KIF26B: variants seen among roughly 807,000 people sequenced by gnomAD.
The protein encoded by KIF26B is kinesin-like protein KIF26B.
Under a neutral mutation model 151.2 loss-of-function variants are expected in KIF26B, and 63 were observed. The ratio of observed to expected loss-of-function variants is 0.42; its 90% CI spans 0.34 to 0.51. KIF26B has a LOEUF of 0.51. KIF26B is among the 20% of genes least tolerant of loss of function. KIF26B has a pLI of 0.07. For synonymous variants in KIF26B, 1,357 were observed against 1,262.1 expected (o/e 1.08, Z -1.59); for missense variants, 2,813 against 2,913.6 (o/e 0.97, Z 0.79).
intron 2 of KIF26B, among the ~76,000 whole-genome samples, chr1:245,251,911 TA>T (rs1670451683): frequency 6.6e-6 from 1 of 152,144 alleles, no homozygotes; most frequent in African/African-American, 2.4e-5. Context: ...GATTAATGTA[TA>T]TGAATTTTTC....
chr1:245,518,894 C>A (rs1471438021), intron 4 of KIF26B, among the ~76,000 whole-genome samples: 2 of 152,140 alleles, frequency 1.3e-5, no homozygotes, highest in East Asian at 1.9e-4. Flanking sequence ...TTAGTGAGGA[C>A]TGCTACACTC....
intron 2 of KIF26B, among the ~76,000 whole-genome samples, chr1:245,283,727 G>A (rs1466179618): frequency 2.1e-5 from 3 of 140,152 alleles, no homozygotes; most frequent in East Asian, 2.1e-4. Flanking sequence ...TCACTCTGTC[G>A]CCCAGGCTAG....
At chr1:245,345,197 C>G (rs1306992066) in intron 2 of KIF26B, among the ~76,000 whole-genome samples, 1 of 152,130 alleles carries the variant, frequency 6.6e-6, no homozygotes. Flanking sequence ...CAGGTGTTTT[C>G]TATAATGAAG....
intron 4 of KIF26B, among the ~76,000 whole-genome samples, chr1:245,471,287 C>G (rs370916060): frequency 9.2e-5 from 14 of 152,156 alleles, no homozygotes; most frequent in African/African-American, 3.4e-4. Context: ...TGCACCACCA[C>G]GCCCAGCTAA....
At chr1:245,542,751 G>T (rs1426367011) in intron 5 of KIF26B, among the ~76,000 whole-genome samples, 2 of 152,162 alleles carry the variant, frequency 1.3e-5, no homozygotes, top group Non-Finnish European at 2.9e-5. Context: ...TTTAATTGTG[G>T]TAAGATACAG....
At chr1:245,285,237 T>G (rs1671144435) in intron 2 of KIF26B, among the ~76,000 whole-genome samples, 1 of 152,142 alleles carries the variant, frequency 6.6e-6, no homozygotes, top group South Asian at 2.1e-4. Flanking sequence ...TGGCAGAATT[T>G]ATTCCAAGAG....
intron 4 of KIF26B, among the ~76,000 whole-genome samples, chr1:245,469,708 G>A (rs1659869516): frequency 2.0e-5 from 3 of 152,046 alleles, no homozygotes; most frequent in South Asian, 4.1e-4. Context: ...TGATAAAAAC[G>A]TATACTTCTG....
Position 245,366,877 on chromosome 1 carries a change from C to T in KIF26B, c.509C>T (p.Pro170Leu), listed in dbSNP as rs1672966531. Residue 170 changes from proline (P) to leucine (L), a missense_variant, in exon 3 of 15, where the codon CCC (proline) becomes CTC (leucine). Coordinates refer to ENST00000407071, the MANE Select transcript of KIF26B (RefSeq NM_018012.4). ...SAVIHDKLQV[P>L]NTIRKAWNDR... The stretch of plus-strand genomic sequence containing the variant: ...GTGATTCACGACAAACTCCAGGTCC[C>T]CAACACCATCCGGAAGGCATGGAAC... The T allele has an allele frequency of 6.2e-7, 1 of 1,614,034 alleles. No homozygotes were observed. Among genetic ancestry groups the T allele is most frequent in the African/African-American group, 1.3e-5 (1 of 75,060 alleles).
At chr1:245,423,563 A>C (rs1658547562) in intron 4 of KIF26B, among the ~76,000 whole-genome samples, 1 of 152,148 alleles carries the variant, frequency 6.6e-6, no homozygotes, top group Non-Finnish European at 1.5e-5. Flanking sequence ...TTGTTTGAGA[A>C]GGTGAGTAGA....
At chr1:245,662,858 T>C (rs967175206) in intron 10 of KIF26B, among the ~76,000 whole-genome samples, 1 of 148,570 alleles carries the variant, frequency 6.7e-6, no homozygotes, top group Non-Finnish European at 1.5e-5. Context: ...TCAAGGATTA[T>C]TCCAACTCTC....
intron 2 of KIF26B, among the ~76,000 whole-genome samples, chr1:245,294,255 G>A (rs1236629846): frequency 1.3e-5 from 2 of 152,168 alleles, no homozygotes; most frequent in Non-Finnish European, 2.9e-5. Context: ...TAAAGTGAGA[G>A]GATCTGTGGT....
chr1:245,236,078 C>T (rs533096221), intron 2 of KIF26B, among the ~76,000 whole-genome samples: 16 of 152,132 alleles, frequency 1.1e-4, no homozygotes, highest in South Asian at 4.2e-4. Context: ...TACAGGTGTG[C>T]GCCACCATGC....
At chr1:245,156,144 C>T (rs778123223) in intron 1 of KIF26B, 138 bp from the exon 2 acceptor site, 410 of 1,298,120 alleles carry the variant, frequency 3.2e-4, no homozygotes, top group Non-Finnish European at 3.9e-4. Context: ...GGCAATTTGG[C>T]CGCAGGGCTT....
chr1:245,685,505 C>T lies in KIF26B; in HGVS notation c.2522C>T (p.Pro841Leu). 1 of 1,613,754 alleles carries T rather than the reference C, an allele frequency of 6.2e-7. No individual in the cohort carries two copies. Among genetic ancestry groups the T allele is most frequent in the South Asian group, 1.1e-5 (1 of 91,080 alleles). ...TTCCACACCAGGGCCACGGTGGACC[C>T]TGACTTCCCCATCGCTCACCTGTCC... ...RPFHTRATVD[P>L]DFPIAHLSSD... The change falls in exon 12 of 15, where the codon CCT becomes CTT. Residue 841 changes from proline to leucine, a missense_variant. Coordinates refer to ENST00000407071, the MANE Select transcript of KIF26B (RefSeq NM_018012.4).
intron 10 of KIF26B, among the ~76,000 whole-genome samples, chr1:245,682,334 C>T (rs937096194): frequency 6.6e-6 from 1 of 152,208 alleles, no homozygotes; most frequent in African/African-American, 2.4e-5. Flanking sequence ...AGAACAATGG[C>T]CCAGTATTTA....
intron 4 of KIF26B, among the ~76,000 whole-genome samples, chr1:245,500,712 A>G (rs1660603521): frequency 6.6e-6 from 1 of 152,240 alleles, no homozygotes; most frequent in Non-Finnish European, 1.5e-5. Flanking sequence ...GCCCCGGCCA[A>G]CTAGAGAAGC....
chr1:245,583,877 A>G lies in KIF26B; in HGVS notation c.1351-18700A>G, dbSNP rs907755683. 8.5e-5 allele frequency among the ~76,000 whole-genome samples: 13 copies of G among 152,344 alleles called. No homozygotes were observed. In the East Asian group the frequency reaches 2.5e-3, roughly 29 times the overall value. ...TGGCATATTCTGGAATGCTTCCACC[A>G]AATCCAAACATCATTCTGGATGAAC... is the stretch of plus-strand genomic sequence containing the variant. On this transcript the variant is annotated intron_variant, in intron 5 of 14. Transcript: ENST00000407071.
At chr1:245,414,312 A>G (rs748280006) in intron 3 of KIF26B, among the ~76,000 whole-genome samples, 5 of 152,216 alleles carry the variant, frequency 3.3e-5, no homozygotes, top group Admixed American at 6.5e-5. Flanking sequence ...TCCAAAGCCA[A>G]GAGGAAAAGT....
At chr1:245,162,417 G>T (rs368183653) in intron 2 of KIF26B, among the ~76,000 whole-genome samples, 2 of 112,556 alleles carry the variant, frequency 1.8e-5, no homozygotes, top group African/African-American at 7.1e-5. Flanking sequence ...ACGGAGTCTC[G>T]CTCTGTTGCC....
Sources: allele counts gnomAD v4.1 joint callset (sites outside exome capture counted in the v4.1 genomes callset), GRCh38; gene constraint gnomAD v4.1.1; transcripts MANE v1.5; gene names NCBI Gene and HGNC (gene_info 2026-07-23, HGNC 2026-07-21).